Variants in LRRTM4 observed in about 807,000 individuals in gnomAD.
The protein encoded by LRRTM4 is leucine rich repeat transmembrane neuronal 4.
Under a neutral mutation model 47.6 loss-of-function variants are expected in LRRTM4, and 25 were observed. That is an observed-to-expected ratio of 0.53 (90% CI 0.38 to 0.73). LRRTM4 has a LOEUF of 0.73. Among genes scored for constraint, LRRTM4 ranks in the 30% least tolerant of loss-of-function variants. The probability of loss-of-function intolerance (pLI) is 0.00; values close to 1 mark genes in which losing one functional copy is unlikely to be tolerated. For synonymous variants in LRRTM4, 311 were observed against 269.5 expected, an observed-to-expected ratio of 1.15 and a Z score of -1.51; for missense variants, 638 against 713.4, an observed-to-expected ratio of 0.89 and a Z score of 1.20.
In LRRTM4 at chr2:77,474,184, G is replaced by A. The variant is rs114335720; in HGVS notation, c.1551+44134C>T. ...AATTACTTTAAAAGTTAACATGTGTGGAGGGATAGTCCAACACAAAGAAAA... is the reference window on the plus strand; with the variant it reads ...AATTACTTTAAAAGTTAACATGTGTAGAGGGATAGTCCAACACAAAGAAAA... On this transcript the variant is annotated intron_variant, in intron 3 of 3. Transcript: ENST00000409884. Among the ~76,000 whole-genome samples, 592 of 152,172 alleles carry A rather than the reference G, an allele frequency of 3.9e-3. 8 individuals carry two copies. Among genetic ancestry groups the A allele is most frequent in the African/African-American group, 0.013 (550 of 41,530 alleles).
chr2:76,816,253 T>C (rs951017588), intron 3 of LRRTM4, among the ~76,000 whole-genome samples: 1 of 152,074 alleles, frequency 6.6e-6, no homozygotes, highest in Non-Finnish European at 1.5e-5. Flanking sequence ...AGACCCTGTC[T>C]CACAGGATGC....
chr2:77,017,170 C>G (rs10166609), intron 3 of LRRTM4, among the ~76,000 whole-genome samples: 1 of 152,056 alleles, frequency 6.6e-6, no homozygotes, highest in African/African-American at 2.4e-5. Flanking sequence ...GAGGACATCA[C>G]GGCCACAGAG....
intron 3 of LRRTM4, among the ~76,000 whole-genome samples, chr2:77,421,169 A>G (rs1295634208): frequency 6.6e-6 from 1 of 152,162 alleles, no homozygotes; most frequent in Admixed American, 6.5e-5. Flanking sequence ...ATACAAAGAC[A>G]TAAATTCCAT....
At chr2:77,001,867 C>T (rs13416736) in intron 3 of LRRTM4, among the ~76,000 whole-genome samples, 9,707 of 152,104 alleles carry the variant, frequency 0.064, 948 homozygotes, top group African/African-American at 0.21. Flanking sequence ...CCTTTCTTTT[C>T]GAGAAATATC....
intron 3 of LRRTM4, among the ~76,000 whole-genome samples, chr2:76,794,458 A>C (rs1327515150): frequency 2.0e-5 from 3 of 152,196 alleles, no homozygotes; most frequent in Non-Finnish European, 4.4e-5. Context: ...GTTGTGAACA[A>C]TAGTTTTTTC....
chr2:77,013,713 A>G (rs755225495), intron 3 of LRRTM4, among the ~76,000 whole-genome samples: 9 of 152,318 alleles, frequency 5.9e-5, no homozygotes, highest in Admixed American at 4.6e-4. Flanking sequence ...GTAAATTTAC[A>G]CAATCTCTTG....
chr2:77,076,445 A>G (rs539072988), intron 3 of LRRTM4, among the ~76,000 whole-genome samples: 1 of 152,290 alleles, frequency 6.6e-6, no homozygotes, highest in South Asian at 2.1e-4. Flanking sequence ...AATGCTTGAA[A>G]TATAGTCAGA....
Position 76,748,705 on chromosome 2 carries a change from A to G in LRRTM4, c.1763T>C (p.Ile588Thr), listed in dbSNP as rs1435250519. 1 of 1,612,908 alleles carries G rather than the reference A, an allele frequency of 6.2e-7. No individual in the cohort carries two copies. Among genetic ancestry groups the G allele is most frequent in the African/African-American group, 1.3e-5 (1 of 74,810 alleles). The change falls in exon 4 of 4, where the codon ATT (isoleucine) becomes ACT (threonine). Residue 588 changes from isoleucine to threonine, a missense_variant. Physicochemically the swap from Ile to Thr is moderately conservative, Grantham distance 89 (BLOSUM62 -1). Transcript: ENST00000409884. The stretch of plus-strand genomic sequence containing the variant: ...GAGTTGGCTTCAGCGTTAGTTTGCA[A>G]TTCTCTCTAGGTAGATGGCCGGTGC... ...SAAPAIYLER[I>T]AN
chr2:76,856,059 C>T (rs1027790596), intron 3 of LRRTM4, among the ~76,000 whole-genome samples: 4 of 152,068 alleles, frequency 2.6e-5, no homozygotes, highest in Non-Finnish European at 5.9e-5. Flanking sequence ...GGCGGATTAC[C>T]TGAGGTCAGG....
intron 3 of LRRTM4, among the ~76,000 whole-genome samples, chr2:77,066,680 G>A (rs2103814624): frequency 6.6e-6 from 1 of 152,290 alleles, no homozygotes; most frequent in Non-Finnish European, 1.5e-5. Flanking sequence ...ATCGTATAGA[G>A]ATATGTAGGC....
intron 3 of LRRTM4, among the ~76,000 whole-genome samples, chr2:77,057,531 T>G (rs1256407398): frequency 1.3e-5 from 2 of 152,162 alleles, no homozygotes; most frequent in Non-Finnish European, 2.9e-5. Context: ...GAATTTTACT[T>G]TTCCTTACTA....
chr2:76,757,339 G>T (rs1558634558), intron 3 of LRRTM4, among the ~76,000 whole-genome samples: 1 of 152,238 alleles, frequency 6.6e-6, no homozygotes, highest in South Asian at 2.1e-4. Context: ...AAGTCAGTCA[G>T]GGGATAAGAG....
intron 3 of LRRTM4, among the ~76,000 whole-genome samples, chr2:77,244,716 C>A (rs892147397): frequency 1.3e-5 from 2 of 152,106 alleles, no homozygotes; most frequent in African/African-American, 4.8e-5. Flanking sequence ...GGCTAAAAAA[C>A]TGTGAATTTC....
intron 3 of LRRTM4, among the ~76,000 whole-genome samples, chr2:77,041,842 T>C (rs1262176668): frequency 6.7e-6 from 1 of 149,936 alleles, no homozygotes; most frequent in Non-Finnish European, 1.5e-5. Flanking sequence ...AAAACCGCAA[T>C]GACTTTTGCA....
intron 3 of LRRTM4, among the ~76,000 whole-genome samples, chr2:77,055,517 A>G (rs1031809020): frequency 7.2e-5 from 11 of 152,224 alleles, no homozygotes; most frequent in Admixed American, 2.0e-4. Context: ...TTAGAATGGC[A>G]ATCATTAAAA....
intron 3 of LRRTM4, among the ~76,000 whole-genome samples, chr2:77,395,427 G>A (rs1673664948): frequency 1.3e-5 from 2 of 151,910 alleles, no homozygotes; most frequent in Admixed American, 1.3e-4. Context: ...TTCTGAAGGT[G>A]GTTCAGGAAG....
intron 3 of LRRTM4, among the ~76,000 whole-genome samples, chr2:76,806,552 G>C (rs1196087989): frequency 6.6e-6 from 1 of 152,044 alleles, no homozygotes; most frequent in Non-Finnish European, 1.5e-5. Flanking sequence ...TTGCACTCCA[G>C]CCTGGACAAC....
At chr2:77,284,060 A>G (rs1004255918) in intron 3 of LRRTM4, among the ~76,000 whole-genome samples, 18 of 152,126 alleles carry the variant, frequency 1.2e-4, no homozygotes, top group Admixed American at 5.9e-4. Flanking sequence ...TCTCCTGTAT[A>G]TCTAAAAATA....
chr2:76,845,811 T>C (rs569459510), intron 3 of LRRTM4, among the ~76,000 whole-genome samples: 2 of 152,126 alleles, frequency 1.3e-5, no homozygotes, highest in South Asian at 2.1e-4. Flanking sequence ...AGAGGGTGGC[T>C]CCTGAACACA....
Sources: allele counts gnomAD v4.1 joint callset (sites outside exome capture counted in the v4.1 genomes callset), GRCh38; gene constraint gnomAD v4.1.1; transcripts MANE v1.5; gene names NCBI Gene and HGNC (gene_info 2026-07-23, HGNC 2026-07-21).